The following DDHD1 variants were observed in gnomAD, a reference collection of about 807,000 sequenced individuals.
DDHD1 encodes the protein phospholipase DDHD1.
A neutral mutation model predicts 96.4 loss-of-function variants in DDHD1; 49 were observed. The ratio of observed to expected loss-of-function variants is 0.51; its 90% CI spans 0.40 to 0.64. DDHD1 has a LOEUF of 0.64. DDHD1 is among the 30% of genes least tolerant of loss of function. The pLI is 0.00. For missense variants in DDHD1, 1,106 were observed against 1,161.2 expected (o/e 0.95, Z 0.69); for synonymous variants, 442 against 446.5 (o/e 0.99, Z 0.13).
intron 2 of DDHD1, among the ~76,000 whole-genome samples, chr14:53,096,820 G>A (rs907722639): frequency 6.6e-6 from 1 of 151,884 alleles, no homozygotes; most frequent in African/African-American, 2.4e-5. Context: ...AATCAAACTG[G>A]AAGCTCTGCT....
intron 8 of DDHD1, 116 bp from the exon 9 acceptor site, chr14:53,058,742 T>A: frequency 1.0e-6 from 1 of 961,234 alleles, no homozygotes; most frequent in African/African-American, 1.7e-5. Flanking sequence ...TTTGAGTATA[T>A]TCGTTTTTAA....
At chr14:53,148,344 C>CT (rs1891135838) in intron 1 of DDHD1, among the ~76,000 whole-genome samples, 1 of 151,294 alleles carries the variant, frequency 6.6e-6, no homozygotes. Context: ...GGGAGTCTTG[C>CT]TCTTGTCGCC....
chr14:53,135,843 T>C (rs1890198132), intron 1 of DDHD1, among the ~76,000 whole-genome samples: 1 of 152,210 alleles, frequency 6.6e-6, no homozygotes, highest in Non-Finnish European at 1.5e-5. Flanking sequence ...TTTTCAGATA[T>C]TGTACAAAAG....
chr14:53,083,813 G>T (rs991223117), intron 4 of DDHD1, among the ~76,000 whole-genome samples: 1 of 152,068 alleles, frequency 6.6e-6, no homozygotes, highest in Admixed American at 6.6e-5. Flanking sequence ...CTTTTTATAT[G>T]AATATTTTCC....
intron 1 of DDHD1, 128 bp downstream of exon 1, chr14:53,152,133 C>T (rs1223490648): frequency 1.1e-5 from 11 of 1,000,414 alleles, no homozygotes; most frequent in African/African-American, 4.9e-5. Context: ...CAATCTCCAT[C>T]CTGCCCCAGC....
chr14:53,125,272 T>C (rs964374124), intron 1 of DDHD1, among the ~76,000 whole-genome samples: 4 of 152,212 alleles, frequency 2.6e-5, no homozygotes, highest in African/African-American at 9.6e-5. Flanking sequence ...CACAGGCCAT[T>C]TTATATCAAC....
intron 4 of DDHD1, among the ~76,000 whole-genome samples, chr14:53,079,083 T>C (rs1595134753): frequency 6.6e-6 from 1 of 152,322 alleles, no homozygotes; most frequent in Middle Eastern, 3.4e-3. Context: ...TAACCATTTA[T>C]ATATGGTGCT....
intron 7 of DDHD1, 82 bp downstream of exon 7, chr14:53,062,861 T>G (rs768388827): frequency 1.3e-5 from 18 of 1,401,514 alleles, no homozygotes; most frequent in African/African-American, 1.4e-5. Context: ...TTCTTTATCA[T>G]GAAATTCTTA....
chr14:53,062,057 A>AAAAAAAT (rs1336387072), intron 7 of DDHD1, among the ~76,000 whole-genome samples: 1 of 151,588 alleles, frequency 6.6e-6, no homozygotes, highest in East Asian at 1.9e-4. Flanking sequence ...AAAAAAAAAA[A>AAAAAAAT]ATTTGTTATT....
At chr14:53,084,830 AC>A (rs1885794424) in intron 4 of DDHD1, among the ~76,000 whole-genome samples, 1 of 152,130 alleles carries the variant, frequency 6.6e-6, no homozygotes. Flanking sequence ...GCATTGCCTC[AC>A]CCAGGAGGCG....
intron 7 of DDHD1, among the ~76,000 whole-genome samples, chr14:53,062,012 G>T (rs1273995331): frequency 7.7e-6 from 1 of 130,384 alleles, no homozygotes; most frequent in Non-Finnish European, 1.5e-5. Context: ...TCCAGCCTGG[G>T]CAACAGAGCA....
intron 1 of DDHD1, among the ~76,000 whole-genome samples, chr14:53,144,663 G>A (rs2139897921): frequency 6.6e-6 from 1 of 152,326 alleles, no homozygotes; most frequent in Non-Finnish European, 1.5e-5. Flanking sequence ...GTACACATGA[G>A]ATACCCTGGG....
chr14:53,045,757 G>C lies in DDHD1; in HGVS notation c.*1011C>G, dbSNP rs867339062. ...CAATGCCTCAGAATCCTGACTTACT[G>C]TGCCTTGTGTCTCAATGGCACATTG... On this transcript the variant is annotated 3_prime_UTR_variant, in exon 13 of 13. Coordinates refer to ENST00000673822, the MANE Select transcript of DDHD1 (RefSeq NM_001160148.2). 6.6e-6 allele frequency: 1 copy of C among 152,140 alleles called. No individual in the cohort carries two copies. The highest frequency in any genetic ancestry group is 2.4e-5 in the African/African-American group (1 of 41,434). The allele number at this position is 152,140 out of a possible 1,614,324, so 9.4% of individuals were successfully genotyped here.
At chr14:53,089,454 T>C (rs1458509532) in intron 4 of DDHD1, among the ~76,000 whole-genome samples, 1 of 152,160 alleles carries the variant, frequency 6.6e-6, no homozygotes, top group Non-Finnish European at 1.5e-5. Context: ...ATGGTACTGG[T>C]ATCAAAACAG....
At position 53,107,965 on chromosome 14, in the gene DDHD1, C is replaced by A. The variant is rs1369666216; in HGVS notation, c.839-4109G>T. On this transcript the variant is annotated intron_variant, in intron 1 of 12. Coordinates refer to ENST00000673822, the MANE Select transcript of DDHD1 (RefSeq NM_001160148.2). Reference sequence around the variant, plus strand: ...TTGCCTGAGAGCACAGCGGGAGGGACAATGATCAGGATATAAACTCAGGCA... The same window carrying A: ...TTGCCTGAGAGCACAGCGGGAGGGAAAATGATCAGGATATAAACTCAGGCA... Among the ~76,000 whole-genome samples, 11 of 152,316 alleles carry A rather than the reference C, an allele frequency of 7.2e-5. No homozygotes were observed. The East Asian group carries it at 1.9e-3, about 27-fold the overall frequency.
chr14:53,046,674 A>T lies in DDHD1; in HGVS notation c.*94T>A. 1.2e-6 allele frequency: 1 copy of T among 825,020 alleles called. No individual in the cohort carries two copies. The highest frequency in any genetic ancestry group is 1.8e-6 in the Non-Finnish European group (1 of 563,444). The allele number at this position is 825,020 out of a possible 1,614,324, so 51.1% of individuals were successfully genotyped here. A position where few individuals can be genotyped will look rare whatever the true frequency, so the allele number is the denominator to read the frequency against. The stretch of plus-strand genomic sequence containing the variant: ...ATGTTGCCCTAAAGAAAACTGAAAT[A>T]TACTTTAACCCTGAAATCTCCGTAT... On this transcript the variant is annotated 3_prime_UTR_variant, in exon 13 of 13. Coordinates refer to ENST00000673822, the MANE Select transcript of DDHD1 (RefSeq NM_001160148.2).
intron 4 of DDHD1, 73 bp from the exon 5 acceptor site, chr14:53,073,920 T>C (rs1374257988): frequency 9.1e-6 from 12 of 1,318,892 alleles, no homozygotes; most frequent in Non-Finnish European, 1.3e-5. Flanking sequence ...TTATATGAGA[T>C]AAAATGTGTT....
Position 53,152,880 on chromosome 14 carries a change from G to A in DDHD1, c.219C>T (p.Asp73=). The change falls in exon 1 of 13, where the codon GAC becomes GAT. Residue 73 remains aspartate (D), a synonymous_variant. Transcript: ENST00000673822. ...PGLHLAPGTD[D]HNHHLALDPC... ...GGTCCAGCGCGAGGTGGTGGTTGTG[G>A]TCGTCGGTGCCCGGCGCCAAATGCA... 3 of 1,610,374 alleles carry A rather than the reference G, an allele frequency of 1.9e-6. No individual in the cohort carries two copies. In the South Asian group the frequency reaches 3.3e-5, roughly 18 times the overall value.
At chr14:53,151,560 C>T (rs1255107529) in intron 1 of DDHD1, among the ~76,000 whole-genome samples, 3 of 152,178 alleles carry the variant, frequency 2.0e-5, no homozygotes, top group African/African-American at 2.4e-5. Flanking sequence ...ACAACAATCC[C>T]GTGAGGTAGG....
Sources: allele counts gnomAD v4.1 joint callset (sites outside exome capture counted in the v4.1 genomes callset), GRCh38; gene constraint gnomAD v4.1.1; transcripts MANE v1.5; gene names NCBI Gene and HGNC (gene_info 2026-07-23, HGNC 2026-07-21).